The following KIF16B variants were observed in gnomAD, a reference collection of about 807,000 sequenced individuals.
The protein encoded by KIF16B is kinesin family member 16B, also known as kinesin-like protein KIF16B.
A neutral mutation model predicts 156.3 loss-of-function variants in KIF16B; 98 were observed. That is an observed-to-expected ratio of 0.63 (90% CI 0.53 to 0.74). KIF16B has a LOEUF of 0.74. Among genes scored for constraint, KIF16B ranks in the 30% least tolerant of loss-of-function variants. The pLI, the probability that KIF16B is intolerant of heterozygous loss-of-function variation, is 0.00. For missense variants in KIF16B, 1,421 were observed against 1,606.5 expected, an observed-to-expected ratio of 0.88 and a Z score of 1.97; for synonymous variants, 564 against 583.7, an observed-to-expected ratio of 0.97 and a Z score of 0.49.
At chr20:16,446,381 G>A (rs1042057193) in intron 12 of KIF16B, among the ~76,000 whole-genome samples, 11 of 152,232 alleles carry the variant, frequency 7.2e-5, no homozygotes, top group South Asian at 2.1e-4. Context: ...CTAATGAACC[G>A]GCTGTCTGGC....
At chr20:16,401,448 T>C (rs989854266) in intron 17 of KIF16B, among the ~76,000 whole-genome samples, 2 of 152,194 alleles carry the variant, frequency 1.3e-5, no homozygotes, top group African/African-American at 4.8e-5. Flanking sequence ...ATAATATGTC[T>C]CATTCCAGTA....
intron 17 of KIF16B, among the ~76,000 whole-genome samples, chr20:16,400,121 GA>G (rs1267108403): frequency 1.3e-5 from 2 of 152,234 alleles, no homozygotes; most frequent in Non-Finnish European, 2.9e-5. Context: ...GAACTTGGCA[GA>G]ACATGAGAGA....
At chr20:16,481,890 C>T (rs1193015147) in intron 12 of KIF16B, among the ~76,000 whole-genome samples, 1 of 152,150 alleles carries the variant, frequency 6.6e-6, no homozygotes, top group Admixed American at 6.5e-5. Context: ...GTAATGCTGA[C>T]TGTGTGCTAG....
Position 16,512,754 on chromosome 20 carries a change from C to A in KIF16B, c.446+72G>T. The A allele has an allele frequency of 4.2e-6, 4 of 955,452 alleles. No homozygotes were observed. In the South Asian group the frequency reaches 5.5e-5, roughly 13 times the overall value. 59.2% of individuals were successfully genotyped at this position (955,452 alleles called of 1,614,324 possible). A position where few individuals can be genotyped will look rare whatever the true frequency, so the allele number is the denominator to read the frequency against. The stretch of plus-strand genomic sequence containing the variant: ...ATCTAAAGACCTTATCCATTTCCAG[C>A]ACCTAAATGCAGGCCAACCAGCATT... On this transcript the variant is annotated intron_variant, in intron 5 of 25. Transcript: ENST00000354981.
chr20:16,541,008 C>T (rs1233280185), intron 1 of KIF16B, among the ~76,000 whole-genome samples: 1 of 152,166 alleles, frequency 6.6e-6, no homozygotes, highest in African/African-American at 2.4e-5. Context: ...AACACCTGCA[C>T]CCTCAGTACC....
chr20:16,405,923 C>A (rs2065771716), intron 16 of KIF16B, among the ~76,000 whole-genome samples: 3 of 152,148 alleles, frequency 2.0e-5, no homozygotes, highest in Admixed American at 1.3e-4. Context: ...ACGTCCCCTT[C>A]CAACCAAACC....
At chr20:16,381,795 ATCTC>A (rs765345401) in intron 17 of KIF16B, 48 bp from the exon 18 acceptor site, 8 of 1,462,234 alleles carry the variant, frequency 5.5e-6, no homozygotes, top group East Asian at 4.6e-5. Context: ...GAGCTTTTCT[ATCTC>A]TCTCTCACTC....
At chr20:16,382,193 G>T in intron 17 of KIF16B, 2 of 1,067,654 alleles carry the variant, frequency 1.9e-6, no homozygotes, top group Non-Finnish European at 2.5e-6. Flanking sequence ...ATTAAGGAAA[G>T]CATTTAATAG....
chr20:16,398,191 G>T (rs1357529794), intron 17 of KIF16B, among the ~76,000 whole-genome samples: 3 of 152,204 alleles, frequency 2.0e-5, no homozygotes, highest in African/African-American at 7.2e-5. Context: ...ACTGGCCAAG[G>T]GAAGAAGAGG....
chr20:16,445,231 C>T (rs1052152625), intron 12 of KIF16B, among the ~76,000 whole-genome samples: 3 of 151,948 alleles, frequency 2.0e-5, no homozygotes, highest in African/African-American at 7.3e-5. Context: ...AAAAAGAATA[C>T]ATGAGCACAT....
chr20:16,334,825 C>T (rs2064007350), intron 24 of KIF16B, among the ~76,000 whole-genome samples: 1 of 152,130 alleles, frequency 6.6e-6, no homozygotes, highest in Admixed American at 6.6e-5. Context: ...ACCAGAAGTG[C>T]TTCATGTACA....
rs560795134 is a variant in KIF16B at position 16,345,948 on chromosome 20, G to A, written c.3622-9933C>T. Among the ~76,000 whole-genome samples the A allele has an allele frequency of 9.2e-5, 14 of 152,310 alleles. No homozygotes were observed. In the East Asian group the frequency reaches 1.7e-3, roughly 19 times the overall value. On this transcript the variant is annotated intron_variant, in intron 23 of 25. Transcript: ENST00000354981. ...TAGGGACACTTTGGGAACGTTCACC[G>A]GCTTCTCCTTCTGGGGAGCCCAAAG...
intron 12 of KIF16B, among the ~76,000 whole-genome samples, chr20:16,468,003 C>T (rs564749375): frequency 5.8e-4 from 88 of 152,066 alleles, no homozygotes; most frequent in Admixed American, 3.3e-3. Context: ...GTAACAAATA[C>T]GATAAATATT....
In KIF16B at chr20:16,335,349, A is replaced by G. The variant is rs564154329; in HGVS notation, c.3711+577T>C. On this transcript the variant is annotated intron_variant, in intron 24 of 25. Transcript: ENST00000354981. ...TTACTTGAGAAACCTGTGTTTGTTC[A>G]AAAAGGAAAAGACGACTAATGTATT... 2.6e-5 allele frequency among the ~76,000 whole-genome samples: 4 copies of G among 152,360 alleles called. No individual in the cohort carries two copies. In the East Asian group the frequency reaches 7.7e-4, roughly 29 times the overall value.
chr20:16,301,788 T>G (rs1224335067), intron 25 of KIF16B, among the ~76,000 whole-genome samples: 1 of 152,156 alleles, frequency 6.6e-6, no homozygotes, highest in Non-Finnish European at 1.5e-5. Context: ...TAGCTGGGAT[T>G]ACAGGCATGC....
intron 12 of KIF16B, among the ~76,000 whole-genome samples, chr20:16,440,704 C>T (rs1456230320): frequency 6.6e-6 from 1 of 152,096 alleles, no homozygotes; most frequent in Non-Finnish European, 1.5e-5. Context: ...CCTGACATTA[C>T]TGGCAGTCAG....
chr20:16,573,142 G>T, intron 1 of KIF16B, 87 bp downstream of exon 1: 1 of 1,336,442 alleles, frequency 7.5e-7, no homozygotes, highest in Non-Finnish European at 1.0e-6. Flanking sequence ...ACACTTTTAA[G>T]TCCAGGCTGG....
intron 15 of KIF16B, among the ~76,000 whole-genome samples, chr20:16,411,834 T>C (rs1002585428): frequency 6.6e-6 from 1 of 151,774 alleles, no homozygotes; most frequent in African/African-American, 2.4e-5. Context: ...TGCGACCCCA[T>C]CACATGAGGT....
chr20:16,559,103 T>C (rs894361946), intron 1 of KIF16B, among the ~76,000 whole-genome samples: 18 of 152,040 alleles, frequency 1.2e-4, no homozygotes, highest in African/African-American at 4.3e-4. Flanking sequence ...GCAACCCTTG[T>C]ACTATATATT....
Sources: gnomAD v4.1 joint callset for allele counts (sites outside exome capture counted in the v4.1 genomes callset) on GRCh38, gnomAD v4.1.1 for gene constraint, MANE v1.5 for transcripts, NCBI Gene and HGNC (gene_info 2026-07-23, HGNC 2026-07-21) for gene names.